PTPRD: variants seen among roughly 807,000 people sequenced by gnomAD.
The protein encoded by PTPRD is receptor-type tyrosine-protein phosphatase delta.
Under a neutral mutation model 214.5 loss-of-function variants are expected in PTPRD, and 34 were observed. That is an observed-to-expected ratio of 0.16 (90% CI 0.12 to 0.21). The LOEUF (loss-of-function observed/expected upper bound fraction) is 0.21, where lower values mean the gene tolerates loss of function less well. PTPRD is among the 10% of genes least tolerant of loss of function. PTPRD has a pLI of 1.00. For missense variants in PTPRD, 2,545 were observed against 2,398.7 expected (o/e 1.06, Z -1.27); for synonymous variants, 1,128 against 845.7 (o/e 1.33, Z -5.79).
intron 2 of PTPRD, among the ~76,000 whole-genome samples, chr9:10,537,230 A>C (rs1475778871): frequency 6.6e-6 from 1 of 152,212 alleles, no homozygotes; most frequent in Non-Finnish European, 1.5e-5. Context: ...AAAAAATCTA[A>C]GTGGCTTAAG....
At chr9:10,504,074 C>G (rs182423068) in intron 2 of PTPRD, among the ~76,000 whole-genome samples, 2 of 124,922 alleles carry the variant, frequency 1.6e-5, no homozygotes, top group African/African-American at 6.1e-5. Flanking sequence ...CGAGATCGCG[C>G]CACTGCACTC....
intron 8 of PTPRD, among the ~76,000 whole-genome samples, chr9:9,471,947 G>T (rs2094618400): frequency 6.6e-6 from 1 of 151,870 alleles, no homozygotes; most frequent in African/African-American, 2.4e-5. Context: ...CTCAAATCCT[G>T]TTTCCTATAA....
At chr9:8,379,146 AT>A in intron 37 of PTPRD, among the ~76,000 whole-genome samples, 1 of 152,300 alleles carries the variant, frequency 6.6e-6, no homozygotes, top group South Asian at 2.1e-4. Flanking sequence ...ATCAGAGGCA[AT>A]TTTTTAAAGC....
intron 38 of PTPRD, 126 bp from the exon 39 acceptor site, chr9:8,376,216 G>C (rs1564387714): frequency 1.8e-6 from 2 of 1,095,366 alleles, no homozygotes. Context: ...GTAGCCTTTG[G>C]GAAGACACAC....
At chr9:9,974,639 C>T (rs1257393841) in intron 4 of PTPRD, among the ~76,000 whole-genome samples, 4 of 152,112 alleles carry the variant, frequency 2.6e-5, no homozygotes, top group Non-Finnish European at 4.4e-5. Flanking sequence ...CTGAAGCTTC[C>T]GACATCTTTT....
At chr9:8,432,560 T>A (rs1378780922) in intron 35 of PTPRD, among the ~76,000 whole-genome samples, 1 of 152,242 alleles carries the variant, frequency 6.6e-6, no homozygotes, top group Non-Finnish European at 1.5e-5. Context: ...AGTAAACATT[T>A]ACTCACAGTG....
Position 9,715,179 on chromosome 9 carries a change from T to C in PTPRD, c.-287+19354A>G, listed in dbSNP as rs77940801. ...CTGTATGTAAAGCAAGATGTTTTGA[T>C]TACATTCTTCCACTGGTATGCGTAC... is the stretch of plus-strand genomic sequence containing the variant. On this transcript the variant is annotated intron_variant, in intron 7 of 45. Transcript: ENST00000381196. 2.3e-4 allele frequency among the ~76,000 whole-genome samples: 35 copies of C among 152,324 alleles called. 1 individual carries two copies. The East Asian group carries it at 6.8e-3, about 29-fold the overall frequency.
chr9:10,125,112 T>C (rs182568205), intron 3 of PTPRD, among the ~76,000 whole-genome samples: 1 of 152,214 alleles, frequency 6.6e-6, no homozygotes, highest in African/African-American at 2.4e-5. Flanking sequence ...TTGATAAATA[T>C]GCTGATGATT....
chr9:10,517,169 G>A (rs2050416569), intron 2 of PTPRD, among the ~76,000 whole-genome samples: 1 of 151,916 alleles, frequency 6.6e-6, no homozygotes, highest in Non-Finnish European at 1.5e-5. Flanking sequence ...GTATAGACAT[G>A]TAAACAGTAT....
intron 2 of PTPRD, among the ~76,000 whole-genome samples, chr9:10,493,076 C>A (rs1375262508): frequency 6.6e-6 from 1 of 152,018 alleles, no homozygotes; most frequent in African/African-American, 2.4e-5. Context: ...GAACTTCAAA[C>A]CCCTGCTGAC....
At chr9:10,147,759 A>G (rs2099033546) in intron 3 of PTPRD, among the ~76,000 whole-genome samples, 2 of 152,164 alleles carry the variant, frequency 1.3e-5, no homozygotes, top group Admixed American at 6.6e-5. Context: ...AGGCTCCTGT[A>G]ATCCCAGCCA....
intron 3 of PTPRD, among the ~76,000 whole-genome samples, chr9:10,330,661 T>A (rs10959049): frequency 0.37 from 55,725 of 151,492 alleles, 11,998 homozygotes; most frequent in African/African-American, 0.6. Flanking sequence ...CCACAAGAGA[T>A]ATTTGCACAC....
intron 11 of PTPRD, among the ~76,000 whole-genome samples, chr9:8,739,435 A>G (rs1201502688): frequency 1.3e-5 from 2 of 152,228 alleles, no homozygotes; most frequent in Non-Finnish European, 2.9e-5. Flanking sequence ...CTTTAAACGT[A>G]GCTAGTGCGA....
At chr9:8,687,174 G>A (rs1205882713) in intron 12 of PTPRD, among the ~76,000 whole-genome samples, 1 of 152,036 alleles carries the variant, frequency 6.6e-6, no homozygotes, top group Non-Finnish European at 1.5e-5. Context: ...TCAGTCCTTA[G>A]ATTTTACAGG....
Position 10,358,754 on chromosome 9 carries a change from C to T in PTPRD, c.-599-17737G>A, listed in dbSNP as rs185036297. Among the ~76,000 whole-genome samples, 453 of 151,980 alleles carry T rather than the reference C, an allele frequency of 3.0e-3. 5 individuals carry two copies. The highest frequency in any genetic ancestry group is 0.01 in the African/African-American group (430 of 41,522). On this transcript the variant is annotated intron_variant, in intron 2 of 45. Transcript: ENST00000381196. ...TAACATAATTGCATTTTGTGCCCAACAGAATTGCTTGTTCATTTGATAGAA... is the reference window on the plus strand; with the variant it reads ...TAACATAATTGCATTTTGTGCCCAATAGAATTGCTTGTTCATTTGATAGAA...
intron 7 of PTPRD, among the ~76,000 whole-genome samples, chr9:9,732,556 C>G (rs990042360): frequency 1.3e-5 from 2 of 152,008 alleles, no homozygotes; most frequent in Non-Finnish European, 2.9e-5. Context: ...GGGTCCAGAT[C>G]CAACTTTTGC....
At chr9:10,213,518 A>AC (rs2099526478) in intron 3 of PTPRD, among the ~76,000 whole-genome samples, 2 of 152,126 alleles carry the variant, frequency 1.3e-5, no homozygotes, top group Admixed American at 1.3e-4. Context: ...TTTGGATCAC[A>AC]CATCTGAGGA....
At chr9:8,661,459 T>C (rs2097050785) in intron 12 of PTPRD, among the ~76,000 whole-genome samples, 1 of 152,064 alleles carries the variant, frequency 6.6e-6, no homozygotes. Flanking sequence ...GACTTTGTAT[T>C]CCAAAGGGAA....
intron 5 of PTPRD, among the ~76,000 whole-genome samples, chr9:9,936,531 T>C (rs1432223651): frequency 1.4e-5 from 2 of 145,560 alleles, no homozygotes; most frequent in African/African-American, 2.7e-5. Context: ...TGAGATACAA[T>C]CTCACACCAG....
Sources: gnomAD v4.1 joint callset for allele counts (sites outside exome capture counted in the v4.1 genomes callset) on GRCh38, gnomAD v4.1.1 for gene constraint, MANE v1.5 for transcripts, NCBI Gene and HGNC (gene_info 2026-07-23, HGNC 2026-07-21) for gene names.